The following RBKS variants were observed in gnomAD, a reference collection of about 807,000 sequenced individuals.
RBKS encodes the protein ribokinase.
A neutral mutation model predicts 33.9 loss-of-function variants in RBKS; 33 were observed. The ratio of observed to expected loss-of-function variants is 0.97; its 90% confidence interval spans 0.74 to 1.30. The LOEUF is 1.30. Among genes scored for constraint, RBKS ranks in the 50% most tolerant of loss-of-function variants. RBKS has a pLI of 0.00. For missense variants in RBKS, 361 were observed against 392.6 expected (o/e 0.92, Z 0.68); for synonymous variants, 125 against 143.0 (o/e 0.87, Z 0.90).
At chr2:27,844,816 T>C (rs894898788) in intron 4 of RBKS, among the ~76,000 whole-genome samples, 13 of 152,248 alleles carry the variant, frequency 8.5e-5, no homozygotes, top group Admixed American at 6.5e-4. Context: ...TACTAGACAA[T>C]TTAAAATTCC....
At chr2:27,788,848 AAAATT>A (rs1251257235) in intron 7 of RBKS, among the ~76,000 whole-genome samples, 7 of 152,262 alleles carry the variant, frequency 4.6e-5, no homozygotes, top group Non-Finnish European at 7.3e-5. Flanking sequence ...AAGTAAAAGA[AAAATT>A]AAAGAAAAAC....
Position 27,781,742 on chromosome 2 carries a change from T to C in RBKS, c.842A>G (p.Tyr281Cys), listed in dbSNP as rs1477007948. ...GTCTTCCAAGGACAGATTTGGATAG[T>C]AAGCCAGGTAGAAGGCCAGAGCTCC... ...FVGALAFYLA[Y>C]YPNLSLEDML... The change falls in exon 8 of 8, where the codon TAC (tyrosine) becomes TGC (cysteine). Residue 281 changes from tyrosine (Y) to cysteine (C), a missense_variant. Coordinates refer to ENST00000302188, the MANE Select transcript of RBKS (RefSeq NM_022128.3). 2 of 1,613,832 alleles carry C rather than the reference T, an allele frequency of 1.2e-6. No individual in the cohort carries two copies. Among genetic ancestry groups the C allele is most frequent in the South Asian group, 1.1e-5 (1 of 91,038 alleles).
intron 7 of RBKS, among the ~76,000 whole-genome samples, chr2:27,796,185 A>G (rs1213663020): frequency 1.3e-5 from 2 of 152,148 alleles, no homozygotes; most frequent in African/African-American, 4.8e-5. Context: ...TTGGCTGTTG[A>G]TTCACATCTT....
intron 7 of RBKS, among the ~76,000 whole-genome samples, chr2:27,819,199 A>G (rs1281650925): frequency 6.6e-6 from 1 of 152,066 alleles, no homozygotes; most frequent in East Asian, 1.9e-4. Context: ...GTACTGGCAA[A>G]GTAGGTTTCA....
chr2:27,834,905 T>C (rs781393214), intron 5 of RBKS, among the ~76,000 whole-genome samples: 1 of 152,202 alleles, frequency 6.6e-6, no homozygotes, highest in East Asian at 1.9e-4. Flanking sequence ...AAAGATGATA[T>C]ACAATGTTGT....
chr2:27,874,143 CA>C lies in RBKS; in HGVS notation c.90-15573del, dbSNP rs149471135. On this transcript the variant is annotated intron_variant, in intron 1 of 7. Transcript: ENST00000302188. ...AAACTTGTCCTTGAAGATCATATGA[CA>C]AAAAAGTTGTTCATCACTGTGTAGA... Among the ~76,000 whole-genome samples, 1,356 of 152,122 alleles carry C rather than the reference CA, an allele frequency of 8.9e-3. 23 individuals carry two copies. The highest frequency in any genetic ancestry group is 0.03 in the African/African-American group (1,263 of 41,502).
At chr2:27,862,650 G>A (rs980643349) in intron 1 of RBKS, among the ~76,000 whole-genome samples, 3 of 152,252 alleles carry the variant, frequency 2.0e-5, no homozygotes, top group African/African-American at 4.8e-5. Context: ...CTTTGTATAC[G>A]CTCTTCCTTC....
intron 1 of RBKS, among the ~76,000 whole-genome samples, chr2:27,882,922 A>C (rs1664446682): frequency 6.6e-6 from 1 of 152,142 alleles, no homozygotes. Flanking sequence ...ACTGGGGTCT[A>C]CCTGAGGGTG....
intron 1 of RBKS, among the ~76,000 whole-genome samples, chr2:27,860,951 C>T (rs1241932155): frequency 6.7e-6 from 1 of 149,896 alleles, no homozygotes; most frequent in East Asian, 2.0e-4. Flanking sequence ...CTCCCTTTGT[C>T]TCTGTCTCTG....
chr2:27,836,033 C>T (rs11885959), intron 5 of RBKS, among the ~76,000 whole-genome samples: 2 of 151,552 alleles, frequency 1.3e-5, no homozygotes, highest in East Asian at 3.9e-4. Context: ...GGCCAACATG[C>T]TGAAACCCCG....
intron 1 of RBKS, among the ~76,000 whole-genome samples, chr2:27,873,440 A>G (rs1163371789): frequency 6.6e-6 from 1 of 152,094 alleles, no homozygotes; most frequent in African/African-American, 2.4e-5. Flanking sequence ...ATAATACTCT[A>G]TTTTCTTTAT....
chr2:27,841,604 C>T (rs1336162886), intron 5 of RBKS, among the ~76,000 whole-genome samples: 1 of 151,986 alleles, frequency 6.6e-6, no homozygotes, highest in African/African-American at 2.4e-5. Context: ...TGTTGTTTTG[C>T]CAAGAGGAAA....
intron 1 of RBKS, among the ~76,000 whole-genome samples, chr2:27,883,516 TTA>T (rs1228255705): frequency 6.6e-6 from 1 of 151,848 alleles, no homozygotes; most frequent in Non-Finnish European, 1.5e-5. Flanking sequence ...TGCAGTATTC[TTA>T]GTGTTTAGCA....
intron 4 of RBKS, 64 bp from the exon 5 acceptor site, chr2:27,843,295 T>G: frequency 8.0e-7 from 1 of 1,249,944 alleles, no homozygotes; most frequent in Non-Finnish European, 1.1e-6. Flanking sequence ...TATTCTGCAG[T>G]GTTATGAATA....
intron 5 of RBKS, among the ~76,000 whole-genome samples, chr2:27,835,584 A>ATT (rs34787188): frequency 4.0e-5 from 5 of 125,584 alleles, no homozygotes; most frequent in African/African-American, 9.0e-5. Context: ...TGCTTGGGCA[A>ATT]TTTTTTTTTT....
chr2:27,798,248 T>C (rs1677697584), intron 7 of RBKS, among the ~76,000 whole-genome samples: 1 of 152,102 alleles, frequency 6.6e-6, no homozygotes, highest in African/African-American at 2.4e-5. Context: ...CCTAAATCAG[T>C]ATCTTTAGCC....
chr2:27,827,171 T>C (rs914637028), intron 7 of RBKS, among the ~76,000 whole-genome samples: 1 of 152,242 alleles, frequency 6.6e-6, no homozygotes, highest in African/African-American at 2.4e-5. Flanking sequence ...GCCTAGAATC[T>C]AAGCCCGACA....
chr2:27,815,109 T>C (rs1678061905), intron 7 of RBKS, among the ~76,000 whole-genome samples: 1 of 152,108 alleles, frequency 6.6e-6, no homozygotes, highest in African/African-American at 2.4e-5. Context: ...CACCTCTTTT[T>C]CTATTTCCTT....
At chr2:27,886,458 G>A (rs1170985989) in intron 1 of RBKS, among the ~76,000 whole-genome samples, 3 of 152,168 alleles carry the variant, frequency 2.0e-5, no homozygotes, top group Non-Finnish European at 2.9e-5. Flanking sequence ...ATCCTTAGTT[G>A]TTATTCCTTA....
Sources: allele counts gnomAD v4.1 joint callset (sites outside exome capture counted in the v4.1 genomes callset), GRCh38; gene constraint gnomAD v4.1.1; transcripts MANE v1.5; gene names NCBI Gene and HGNC (gene_info 2026-07-23, HGNC 2026-07-21).